RAMP3: variants seen among roughly 807,000 people sequenced by gnomAD.
The protein encoded by RAMP3 is receptor activity modifying protein 3, also known as receptor activity-modifying protein 3.
RAMP3 carries 14 observed loss-of-function variants against 13.5 expected under a neutral mutation model. That is an observed-to-expected ratio of 1.04 (90% CI 0.69 to 1.63). RAMP3 has a LOEUF of 1.63. Ranked by LOEUF, RAMP3 falls within the 40% of genes most tolerant of loss-of-function variation. The probability of loss-of-function intolerance (pLI) is 0.00; values close to 1 mark genes in which losing one functional copy is unlikely to be tolerated. For missense variants in RAMP3, 200 were observed against 204.8 expected, an observed-to-expected ratio of 0.98 and a Z score of 0.14; for synonymous variants, 106 against 88.3, an observed-to-expected ratio of 1.20 and a Z score of -1.12.
At chr7:45,180,362 T>A (rs1786281359) in intron 2 of RAMP3, among the ~76,000 whole-genome samples, 1 of 152,228 alleles carries the variant, frequency 6.6e-6, no homozygotes. Context: ...CCCCTGAATG[T>A]TCATTCTGCT....
At chr7:45,172,001 T>A (rs767757875) in intron 1 of RAMP3, among the ~76,000 whole-genome samples, 2 of 152,340 alleles carry the variant, frequency 1.3e-5, no homozygotes, top group Middle Eastern at 3.4e-3. Flanking sequence ...TAGTTCCTGA[T>A]TTTGGCTTGC....
intron 1 of RAMP3, among the ~76,000 whole-genome samples, chr7:45,158,246 C>A (rs573679089): frequency 6.6e-6 from 1 of 152,212 alleles, no homozygotes; most frequent in African/African-American, 2.4e-5. Flanking sequence ...TACCCCTTAT[C>A]CCCCAGGGTG....
At chr7:45,159,322 A>G (rs912537662) in intron 1 of RAMP3, among the ~76,000 whole-genome samples, 2 of 152,198 alleles carry the variant, frequency 1.3e-5, no homozygotes, top group South Asian at 2.1e-4. Flanking sequence ...TCATGGTCCC[A>G]GGCCGATGTG....
At chr7:45,177,281 G>A (rs1786208034) in intron 1 of RAMP3, 28 bp from the exon 2 acceptor site, 5 of 1,613,762 alleles carry the variant, frequency 3.1e-6, no homozygotes, top group Non-Finnish European at 3.4e-6. Flanking sequence ...GAACTGTAGT[G>A]GAATTCTTAT....
intron 1 of RAMP3, among the ~76,000 whole-genome samples, chr7:45,173,146 C>T (rs1461054630): frequency 2.0e-5 from 3 of 152,214 alleles, no homozygotes; most frequent in Non-Finnish European, 4.4e-5. Flanking sequence ...TCCACTCCAT[C>T]TAGTCTTTAG....
rs202162694 is a variant in RAMP3, at chr7:45,166,958, CT to C, written c.58+9089del. On this transcript the variant is annotated intron_variant, in intron 1 of 2. Transcript: ENST00000242249. ...TAGCTCTACATGTAGGTCTTTGATG[CT>C]TTTTTTTTTTTTTTTTGAGACAGAG... Among the ~76,000 whole-genome samples, 322 of 101,224 alleles carry C rather than the reference CT, an allele frequency of 3.2e-3. 2 individuals are homozygous for C. Among genetic ancestry groups the C allele is most frequent in the East Asian group, 0.01 (41 of 4,024 alleles). 66.4% of individuals were successfully genotyped at this position (101,224 alleles called of 152,430 possible). A position where few individuals can be genotyped will look rare whatever the true frequency, so the allele number is the denominator to read the frequency against.
chr7:45,162,714 G>A (rs1360742687), intron 1 of RAMP3, among the ~76,000 whole-genome samples: 3 of 152,198 alleles, frequency 2.0e-5, no homozygotes, highest in Non-Finnish European at 2.9e-5. Flanking sequence ...GGGGTGGAGA[G>A]CCTGGCTGAA....
chr7:45,158,337 C>T (rs969138906), intron 1 of RAMP3, among the ~76,000 whole-genome samples: 1 of 152,144 alleles, frequency 6.6e-6, no homozygotes, highest in Non-Finnish European at 1.5e-5. Context: ...CGGGTGGACT[C>T]CGGACTGGGT....
intron 1 of RAMP3, chr7:45,163,766 C>T (rs1355088588): frequency 2.0e-6 from 2 of 985,282 alleles, no homozygotes; most frequent in Middle Eastern, 5.2e-4. Flanking sequence ...AGGAACTAAA[C>T]AGGATGAGGT....
chr7:45,170,150 C>CT (rs35891443), intron 1 of RAMP3, among the ~76,000 whole-genome samples: 36,955 of 126,862 alleles, frequency 0.29, 5,748 homozygotes, highest in African/African-American at 0.46. Context: ...CTTTTAAAAG[C>CT]TTTTTTTTTT....
rs991909335 is a variant in RAMP3 at position 45,183,546 on chromosome 7, C to T, written c.*134C>T. Reference sequence around the variant, plus strand: ...CACCTGGTCATGGGCAGACCCCTCCCTTCCTGGGCTGACCTGCTCCCTCGA... The same window carrying T: ...CACCTGGTCATGGGCAGACCCCTCCTTTCCTGGGCTGACCTGCTCCCTCGA... On this transcript the variant is annotated 3_prime_UTR_variant, in exon 3 of 3. Coordinates refer to ENST00000242249, the MANE Select transcript of RAMP3 (RefSeq NM_005856.3). The T allele has an allele frequency of 6.0e-6, 8 of 1,330,496 alleles. No individual in the cohort carries two copies. The highest frequency in any genetic ancestry group is 3.8e-5 in the Admixed American group (2 of 53,194). 82.4% of individuals were successfully genotyped at this position (1,330,496 alleles called of 1,614,324 possible).
At chr7:45,171,517 A>G (rs1399745097) in intron 1 of RAMP3, among the ~76,000 whole-genome samples, 1 of 151,820 alleles carries the variant, frequency 6.6e-6, no homozygotes, top group East Asian at 1.9e-4. Context: ...ATCCTTTAAA[A>G]TCTATTCAGG....
At chr7:45,176,492 G>A (rs1786189824) in intron 1 of RAMP3, among the ~76,000 whole-genome samples, 1 of 151,960 alleles carries the variant, frequency 6.6e-6, no homozygotes, top group African/African-American at 2.4e-5. Flanking sequence ...TCTCTCTTGA[G>A]TATATGATGA....
At chr7:45,162,764 C>T (rs1479778124) in intron 1 of RAMP3, among the ~76,000 whole-genome samples, 2 of 152,118 alleles carry the variant, frequency 1.3e-5, no homozygotes, top group African/African-American at 4.8e-5. Flanking sequence ...AGGTAGGTGC[C>T]ACTGGTTCTG....
intron 1 of RAMP3, chr7:45,163,967 A>ATTT (rs1785912869): frequency 1.2e-6 from 1 of 868,080 alleles, no homozygotes; most frequent in Non-Finnish European, 1.4e-6. Flanking sequence ...GTTAAGTGGG[A>ATTT]GAGTACTGTG....
rs534120313 is a variant in RAMP3, at chr7:45,173,953, A to G, written c.59-3356A>G. Among the ~76,000 whole-genome samples the G allele has an allele frequency of 2.7e-4, 41 of 151,698 alleles. No homozygotes were observed. In the South Asian group the frequency reaches 4.4e-3, roughly 16 times the overall value. ...TATAGCAGAGCCTCGACAGCAGGGG[A>G]GCAGTGGGGCCCAGTTGCCAAGGAG... is the stretch of plus-strand genomic sequence containing the variant. On this transcript the variant is annotated intron_variant, in intron 1 of 2. Transcript: ENST00000242249.
At chr7:45,174,328 G>A (rs1337241999) in intron 1 of RAMP3, among the ~76,000 whole-genome samples, 1 of 152,136 alleles carries the variant, frequency 6.6e-6, no homozygotes, top group Non-Finnish European at 1.5e-5. Context: ...TACAGGCTGG[G>A]TCCTCAGGGA....
Position 45,183,522 on chromosome 7 carries a change from A to G in RAMP3, c.*110A>G. 1.3e-6 allele frequency: 2 copies of G among 1,482,838 alleles called. No individual in the cohort carries two copies. Among genetic ancestry groups the G allele is most frequent in the Non-Finnish European group, 1.8e-6 (2 of 1,091,220 alleles). 91.9% of individuals were successfully genotyped at this position (1,482,838 alleles called of 1,614,324 possible). A position where few individuals can be genotyped will look rare whatever the true frequency, so the allele number is the denominator to read the frequency against. On this transcript the variant is annotated 3_prime_UTR_variant, in exon 3 of 3. Transcript: ENST00000242249. ...TCTCCAGCTACTGTGGCCACACCCCACCTGGTCATGGGCAGACCCCTCCCT... is the reference window on the plus strand; with the variant it reads ...TCTCCAGCTACTGTGGCCACACCCCGCCTGGTCATGGGCAGACCCCTCCCT...
intron 2 of RAMP3, among the ~76,000 whole-genome samples, chr7:45,180,881 AT>A (rs1372812795): frequency 6.6e-6 from 1 of 152,182 alleles, no homozygotes; most frequent in African/African-American, 2.4e-5. Context: ...GCCCCAGATT[AT>A]CCAGGGGATG....
Sources: gnomAD v4.1 joint callset for allele counts (sites outside exome capture counted in the v4.1 genomes callset) on GRCh38, gnomAD v4.1.1 for gene constraint, MANE v1.5 for transcripts, NCBI Gene and HGNC (gene_info 2026-07-23, HGNC 2026-07-21) for gene names.